RBM25: variants seen among roughly 807,000 people sequenced by gnomAD.
RBM25 encodes RNA binding motif protein 25, also known as RNA-binding protein 25.
Under a neutral mutation model 120.7 loss-of-function variants are expected in RBM25, and 19 were observed. That is an observed-to-expected ratio of 0.16 (90% confidence interval 0.11 to 0.23). The LOEUF (loss-of-function observed/expected upper bound fraction) is 0.23, where lower values mean the gene tolerates loss of function less well. Among genes scored for constraint, RBM25 ranks in the 10% least tolerant of loss-of-function variants. The pLI is 1.00. For missense variants in RBM25, 605 were observed against 1,041.5 expected, an observed-to-expected ratio of 0.58 and a Z score of 5.77; for synonymous variants, 390 against 326.7, an observed-to-expected ratio of 1.19 and a Z score of -2.09.
At chr14:73,060,315 G>A (rs1253567350) in intron 1 of RBM25, among the ~76,000 whole-genome samples, 1 of 151,502 alleles carries the variant, frequency 6.6e-6, no homozygotes, top group African/African-American at 2.4e-5. Context: ...GATTACAGGC[G>A]TGAGCCACCG....
intron 18 of RBM25, among the ~76,000 whole-genome samples, chr14:73,117,135 A>T (rs1223467958): frequency 6.6e-6 from 1 of 151,658 alleles, no homozygotes; most frequent in African/African-American, 2.4e-5. Context: ...AATCTGATCA[A>T]AAGTTCTTTA....
chr14:73,068,367 A>G, intron 1 of RBM25: 1 of 669,556 alleles, frequency 1.5e-6, no homozygotes. Flanking sequence ...CATTTAATGG[A>G]GAGACAATGC....
chr14:73,098,554 T>C (rs747615572), intron 7 of RBM25, among the ~76,000 whole-genome samples: 5 of 152,230 alleles, frequency 3.3e-5, no homozygotes, highest in Non-Finnish European at 5.9e-5. Flanking sequence ...TTTTAGGCCA[T>C]ATTCAGTTTT....
At position 73,099,424 on chromosome 14, in the gene RBM25, C is replaced by A; in HGVS notation, c.774C>A (p.Leu258=). The change falls in exon 8 of 19, where the codon CTC becomes CTA. Residue 258 remains leucine (L), a synonymous_variant. Transcript: ENST00000261973. ...TGGCCCCACTGATCCCTTATCCACT[C>A]ATCACTAAGGTTAGTTTAAATTGTA... ...FPVAPLIPYP[L]ITKEDINAIE... The A allele has an allele frequency of 1.2e-6, 2 of 1,608,410 alleles. No homozygotes were observed. The highest frequency in any genetic ancestry group is 1.7e-6 in the Non-Finnish European group (2 of 1,178,588).
rs780181976 is a variant in RBM25, at chr14:73,076,366, A to T, written c.154A>T (p.Thr52Ser). ...AATGAGCATTATGGCTCCTGCTCCA[A>T]CTGTAAGTATAACTTAAAGGAGGAA... The part of the protein sequence containing the change: ...VPMSIMAPAP[T>S]VLVPTVSMVG... Residue 52 changes from threonine (T) to serine (S), a missense_variant and splice_region_variant, in exon 3 of 19, where the codon ACT becomes TCT. This residue lies in a region of RBM25 where 90 missense variants were observed against 107.3 expected (regional missense o/e 0.84). Coordinates refer to ENST00000261973, the MANE Select transcript of RBM25 (RefSeq NM_021239.3). 3 of 1,610,724 alleles carry T rather than the reference A, an allele frequency of 1.9e-6. No individual in the cohort carries two copies. In the East Asian group the frequency reaches 6.7e-5, roughly 36 times the overall value.
intron 10 of RBM25, 87 bp from the exon 11 acceptor site, chr14:73,105,772 T>C (rs1896172821): frequency 6.5e-7 from 1 of 1,539,498 alleles, no homozygotes. Flanking sequence ...TTTTATATTA[T>C]TTCATAATGT....
intron 14 of RBM25, 150 bp downstream of exon 14, chr14:73,109,642 G>C (rs1466421705): frequency 1.4e-6 from 1 of 700,486 alleles, no homozygotes; most frequent in Non-Finnish European, 2.2e-6. Flanking sequence ...AAATACAAAA[G>C]ATTAGCCGGG....
intron 2 of RBM25, among the ~76,000 whole-genome samples, chr14:73,074,406 C>T (rs1391374596): frequency 4.6e-5 from 7 of 151,890 alleles, no homozygotes; most frequent in African/African-American, 7.3e-5. Context: ...TTCGATGGGC[C>T]TTACCATAAC....
chr14:73,077,274 A>G (rs1164029387), intron 3 of RBM25, 95 bp from the exon 4 acceptor site: 6 of 1,074,092 alleles, frequency 5.6e-6, no homozygotes, highest in African/African-American at 4.8e-5. Context: ...AATGTGCTAT[A>G]TATATTTATT....
At chr14:73,072,809 T>C (rs537185142) in intron 2 of RBM25, among the ~76,000 whole-genome samples, 1 of 152,248 alleles carries the variant, frequency 6.6e-6, no homozygotes, top group Admixed American at 6.5e-5. Flanking sequence ...AAGAAATTTT[T>C]CTTTTGACTT....
chr14:73,121,654 C>T lies in RBM25; in HGVS notation c.*1849C>T, dbSNP rs1220786153. The stretch of plus-strand genomic sequence containing the variant: ...GTTTATTGTGTCTGTCTTTTCTTAA[C>T]ATACTGCACTGTTCTTAAGCATCAT... On this transcript the variant is annotated 3_prime_UTR_variant, in exon 19 of 19. Coordinates refer to ENST00000261973, the MANE Select transcript of RBM25 (RefSeq NM_021239.3). 6.6e-6 allele frequency: 1 copy of T among 152,326 alleles called. No individual in the cohort carries two copies. Among genetic ancestry groups the T allele is most frequent in the East Asian group, 1.9e-4 (1 of 5,190 alleles). 9.4% of individuals were successfully genotyped at this position (152,326 alleles called of 1,614,324 possible). A position where few individuals can be genotyped will look rare whatever the true frequency, so the allele number is the denominator to read the frequency against.
At chr14:73,063,101 T>G (rs909563825) in intron 1 of RBM25, among the ~76,000 whole-genome samples, 2 of 150,866 alleles carry the variant, frequency 1.3e-5, no homozygotes, top group Non-Finnish European at 3.0e-5. Flanking sequence ...GGATTACAGG[T>G]ATGAGCCACT....
At chr14:73,069,329 A>C (rs1201533916) in intron 1 of RBM25, among the ~76,000 whole-genome samples, 1 of 152,266 alleles carries the variant, frequency 6.6e-6, no homozygotes, top group Non-Finnish European at 1.5e-5. Context: ...AGAAGAGCAC[A>C]GCAGTAGATA....
rs1444652452 is a variant in RBM25, at chr14:73,111,100, A to G, written c.1962A>G (p.Pro654=). 3.1e-6 allele frequency: 5 copies of G among 1,614,226 alleles called. No homozygotes were observed. Among genetic ancestry groups the G allele is most frequent in the Non-Finnish European group, 4.2e-6 (5 of 1,180,044 alleles). ...TTATTATTCCTCATGAAAACTCACC[A>G]GATCAACAGCAACCTGAGGAGCATA... ...CGIIIPHENS[P]DQQQPEEHRP... is the part of the protein sequence containing the mutation. Residue 654 remains proline, a synonymous_variant, in exon 15 of 19, where the codon CCA becomes CCG. Transcript: ENST00000261973.
intron 10 of RBM25, among the ~76,000 whole-genome samples, chr14:73,103,833 C>T (rs1166105470): frequency 6.6e-6 from 1 of 151,124 alleles, no homozygotes; most frequent in East Asian, 2.0e-4. Context: ...GGATTATAAG[C>T]GTGAGTCACT....
chr14:73,082,474 A>G (rs1351335323), intron 4 of RBM25, among the ~76,000 whole-genome samples: 1 of 151,844 alleles, frequency 6.6e-6, no homozygotes, highest in East Asian at 1.9e-4. Context: ...TTGTTTTTGT[A>G]GAGACAGTGT....
intron 10 of RBM25, among the ~76,000 whole-genome samples, chr14:73,103,994 A>T (rs7147942): frequency 0.67 from 66,790 of 100,162 alleles, 22,892 homozygotes; most frequent in African/African-American, 0.83. Flanking sequence ...ACACACACAC[A>T]CTCTCTCTCT....
chr14:73,116,060 G>A (rs772397730), intron 18 of RBM25, among the ~76,000 whole-genome samples: 1 of 151,962 alleles, frequency 6.6e-6, no homozygotes, highest in Non-Finnish European at 1.5e-5. Flanking sequence ...GCTCATGAAC[G>A]TCCATGGAGT....
chr14:73,094,537 T>G (rs998536016), intron 6 of RBM25, among the ~76,000 whole-genome samples: 3 of 151,750 alleles, frequency 2.0e-5, no homozygotes, highest in Non-Finnish European at 4.4e-5. Context: ...AATCTCTGCC[T>G]CCCGGGTTCA....
Sources: allele counts gnomAD v4.1 joint callset (sites outside exome capture counted in the v4.1 genomes callset), GRCh38; gene constraint gnomAD v4.1.1; regional missense constraint gnomAD v4.1.1; transcripts MANE v1.5; gene names NCBI Gene and HGNC (gene_info 2026-07-23, HGNC 2026-07-21).